TMEM234: variants seen among roughly 807,000 people sequenced by gnomAD.
TMEM234 encodes transmembrane protein 234, also known as chromosome 1 open reading frame 91.
A neutral mutation model predicts 17.8 loss-of-function variants in TMEM234; 21 were observed. That is an observed-to-expected ratio of 1.18 (90% CI 0.84 to 1.70). The LOEUF (loss-of-function observed/expected upper bound fraction) is 1.70, where lower values mean the gene tolerates loss of function less well. TMEM234 is among the 40% of genes most tolerant of loss of function. The pLI is 0.00. For synonymous variants in TMEM234, 83 were observed against 73.5 expected, an observed-to-expected ratio of 1.13 and a Z score of -0.66; for missense variants, 137 against 166.9, an observed-to-expected ratio of 0.82 and a Z score of 0.99.
downstream of TMEM234, chr1:32,215,110 TAA>T (rs76434576): frequency 0.013 from 8,618 of 647,226 alleles, no homozygotes; most frequent in South Asian, 0.019. Context: ...AGACTGCCCG[TAA>T]AAAAAAAAAA....
chr1:32,219,636 G>A (rs762835342), intron 3 of TMEM234, among the ~76,000 whole-genome samples: 3 of 152,116 alleles, frequency 2.0e-5, no homozygotes, highest in Non-Finnish European at 4.4e-5. Context: ...GCCTCCAAAA[G>A]TGCTGGAATT....
chr1:32,217,184 G>A (rs778133504), intron 4 of TMEM234, 75 bp downstream of exon 4: 32 of 1,613,394 alleles, frequency 2.0e-5, no homozygotes, highest in Non-Finnish European at 2.5e-5. Flanking sequence ...GGGGAGATGG[G>A]TTCTGGGAAG....
chr1:32,215,158 G>A (rs1027673814), downstream of TMEM234: 5 of 634,896 alleles, frequency 7.9e-6, no homozygotes, highest in Non-Finnish European at 1.3e-5. Flanking sequence ...GTCTCCAGCT[G>A]CCCCCGTCTG....
downstream of TMEM234, chr1:32,214,971 C>CCAA (rs762390269): frequency 2.8e-5 from 45 of 1,612,154 alleles, no homozygotes; most frequent in Non-Finnish European, 3.6e-5. Context: ...CTCAGCTGCC[C>CCAA]TTTGACAGTG....
chr1:32,217,069 T>C, intron 4 of TMEM234, 122 bp from the exon 5 acceptor site: 4 of 1,568,856 alleles, frequency 2.5e-6, no homozygotes, highest in Non-Finnish European at 3.5e-6. Flanking sequence ...AGCCTCTGTC[T>C]TTCTCCAGAC....
At chr1:32,218,362 G>A (rs1638600277) in intron 3 of TMEM234, among the ~76,000 whole-genome samples, 3 of 151,906 alleles carry the variant, frequency 2.0e-5, no homozygotes, top group Admixed American at 1.3e-4. Context: ...GGAGGCAGAG[G>A]TTGCACTGAG....
chr1:32,215,717 C>A (rs1464975528), downstream of TMEM234: 1 of 1,230,574 alleles, frequency 8.1e-7, no homozygotes, highest in African/African-American at 1.5e-5. Context: ...TTTCTTCCTT[C>A]CTTGGGGTTG....
rs773167617 is a variant in TMEM234, at chr1:32,217,266, A to AGC, written c.320_321insGC (p.Gly108LeufsTer13). The AGC allele has an allele frequency of 6.2e-7, 1 of 1,614,170 alleles. No individual in the cohort carries two copies. Among genetic ancestry groups the AGC allele is most frequent in the Non-Finnish European group, 8.5e-7 (1 of 1,180,042 alleles). ...CGCAGTAGTCTAACTTACGTTTTCC[A>AGC]CCAATATCTTCTCCAAGGGCCTTCC... On this transcript the variant is annotated frameshift_variant, in exon 4 of 5. Transcript: ENST00000309777. LOFTEE classifies it high-confidence loss of function.
chr1:32,218,632 G>A (rs1264640809), intron 3 of TMEM234, among the ~76,000 whole-genome samples: 2 of 151,870 alleles, frequency 1.3e-5, no homozygotes, highest in African/African-American at 2.4e-5. Flanking sequence ...GAGAAACCCC[G>A]TCTCTACTGA....
chr1:32,221,261 G>C, intron 2 of TMEM234, 64 bp from the exon 3 acceptor site: 1 of 1,292,738 alleles, frequency 7.7e-7, no homozygotes. Context: ...CCTTCTTTGA[G>C]CTCCTAGCGA....
chr1:32,215,160 C>G (rs952152925), downstream of TMEM234: 2 of 638,242 alleles, frequency 3.1e-6, no homozygotes, highest in South Asian at 4.6e-5. Flanking sequence ...CTCCAGCTGC[C>G]CCCGTCTGTA....
intron 2 of TMEM234, 117 bp downstream of exon 2, chr1:32,221,750 A>G (rs1284890055): frequency 2.8e-6 from 4 of 1,414,632 alleles, no homozygotes; most frequent in Non-Finnish European, 9.7e-7. Context: ...AGGACAACTG[A>G]CTTTTCCGAG....
downstream of TMEM234, chr1:32,215,110 TAAAAA>T: frequency 1.5e-6 from 1 of 672,126 alleles, no homozygotes; most frequent in Non-Finnish European, 2.3e-6. Flanking sequence ...AGACTGCCCG[TAAAAA>T]AAAAAAAAGC....
rs766763154 is a variant in TMEM234, at chr1:32,221,205, G to C, written c.169-8C>G. 1 of 1,611,920 alleles carries C rather than the reference G, an allele frequency of 6.2e-7. No individual in the cohort carries two copies. The stretch of plus-strand genomic sequence containing the variant: ...GAGAAAGGGCATCAGGTACTGGAAA[G>C]AGGAGAAACCTGCAGTCAGTGTGAT... On this transcript the variant is annotated splice_region_variant and splice_polypyrimidine_tract_variant and intron_variant, in intron 2 of 4. Transcript: ENST00000309777.
rs973501837 is a variant in TMEM234, at chr1:32,218,933, A to G, written c.236-1582T>C. On this transcript the variant is annotated intron_variant, in intron 3 of 4. Coordinates refer to ENST00000309777, the MANE Select transcript of TMEM234 (RefSeq NM_019118.5). ...AGCCTGGGTGACACAGCAAGGCTCCATCTCAAAAAACAAAAACAAAAGAAC... is the reference window on the plus strand; with the variant it reads ...AGCCTGGGTGACACAGCAAGGCTCCGTCTCAAAAAACAAAAACAAAAGAAC... 2.6e-5 allele frequency among the ~76,000 whole-genome samples: 4 copies of G among 151,970 alleles called. No individual in the cohort carries two copies. In the East Asian group the frequency reaches 7.7e-4, roughly 29 times the overall value.
At chr1:32,221,259 G>C in intron 2 of TMEM234, 62 bp from the exon 3 acceptor site, 1 of 1,316,906 alleles carries the variant, frequency 7.6e-7, no homozygotes, top group African/African-American at 1.4e-5. Flanking sequence ...TGCCTTCTTT[G>C]AGCTCCTAGC....
chr1:32,222,207 G>T, intron 1 of TMEM234, 100 bp downstream of exon 1: 1 of 1,505,022 alleles, frequency 6.6e-7, no homozygotes, highest in Non-Finnish European at 8.9e-7. Flanking sequence ...CGGCCTCTGG[G>T]GTTGTAGCAG....
downstream of TMEM234, chr1:32,215,606 A>G: frequency 6.7e-7 from 1 of 1,488,222 alleles, no homozygotes; most frequent in Non-Finnish European, 9.2e-7. Context: ...GGAAACTGGC[A>G]GCCTTGGGCC....
In TMEM234 at chr1:32,221,866, C is replaced by T; in HGVS notation, c.168+1G>A. 6.2e-7 allele frequency: 1 copy of T among 1,613,024 alleles called. No individual in the cohort carries two copies. The highest frequency in any genetic ancestry group is 1.3e-5 in the African/African-American group (1 of 74,976). On this transcript the variant is annotated splice_donor_variant, in intron 2 of 4. Transcript: ENST00000309777. LOFTEE classifies it high-confidence loss of function. ...GAGAGGGGCCTTTCACAGAGACGCA[C>T]CTCAGTATTCAAGAAGAGGGTCTTC... is the stretch of plus-strand genomic sequence containing the variant.
Sources: gnomAD v4.1 joint callset for allele counts (sites outside exome capture counted in the v4.1 genomes callset) on GRCh38, gnomAD v4.1.1 for gene constraint, MANE v1.5 for transcripts, NCBI Gene and HGNC (gene_info 2026-07-23, HGNC 2026-07-21) for gene names.